Variants in IKBKB observed in about 807,000 individuals in gnomAD.
IKBKB encodes the protein inhibitor of nuclear factor kappa-B kinase subunit beta.
IKBKB carries 42 observed loss-of-function variants against 113.6 expected under a neutral mutation model. The observed-to-expected ratio is 0.37, with a 90% CI of 0.29 to 0.48. The LOEUF (loss-of-function observed/expected upper bound fraction) is 0.48. IKBKB is among the 20% of genes least tolerant of loss of function. The pLI, the probability that IKBKB is intolerant of heterozygous loss-of-function variation, is 0.99. For synonymous variants in IKBKB, 296 were observed against 361.3 expected, an observed-to-expected ratio of 0.82 and a Z score of 2.05; for missense variants, 673 against 939.7, an observed-to-expected ratio of 0.72 and a Z score of 3.71.
intron 2 of IKBKB, 158 bp downstream of exon 2, chr8:42,272,363 A>T (rs1414303979): frequency 1.1e-6 from 1 of 873,776 alleles, no homozygotes; most frequent in South Asian, 1.4e-5. Flanking sequence ...AGGACTTCTG[A>T]GCTGACTCCA....
At chr8:42,322,186 G>A in intron 18 of IKBKB, 33 bp downstream of exon 18, 1 of 1,589,322 alleles carries the variant, frequency 6.3e-7, no homozygotes, top group East Asian at 2.2e-5. Flanking sequence ...TCTGGAGGAA[G>A]GACTGGGAGA....
At chr8:42,314,179 A>T (rs1818237329) in intron 8 of IKBKB, 143 bp from the exon 9 acceptor site, 1 of 690,428 alleles carries the variant, frequency 1.4e-6, no homozygotes, top group South Asian at 1.6e-5. Flanking sequence ...GGTGTACGAT[A>T]CAGCCTAGGT....
At chr8:42,319,234 G>A (rs765448129) in intron 13 of IKBKB, 36 bp from the exon 14 acceptor site, 6 of 1,602,236 alleles carry the variant, frequency 3.7e-6, no homozygotes, top group Non-Finnish European at 5.1e-6. Flanking sequence ...TTGGATCCCA[G>A]AGATGCTCCA....
At position 42,271,394 on chromosome 8, in the gene IKBKB, C is replaced by A; in HGVS notation, c.-94C>A. On this transcript the variant is annotated 5_prime_UTR_variant, in exon 1 of 22. Coordinates refer to ENST00000520810, the MANE Select transcript of IKBKB (RefSeq NM_001556.3). ...TAATGTTTTCAGGGGGGTGTCATAG[C>A]CCCGGGTTTGGCCGCCCCAGCCCCG... 1 of 1,514,474 alleles carries A rather than the reference C, an allele frequency of 6.6e-7. No individual in the cohort carries two copies. The highest frequency in any genetic ancestry group is 8.9e-7 in the Non-Finnish European group (1 of 1,129,456). The allele number at this position is 1,514,474 out of a possible 1,614,324, so 93.8% of individuals were successfully genotyped here.
intron 2 of IKBKB, among the ~76,000 whole-genome samples, chr8:42,278,561 G>A (rs560563167): frequency 1.2e-4 from 19 of 152,242 alleles, no homozygotes; most frequent in African/African-American, 4.1e-4. Flanking sequence ...AGCCCGCTCC[G>A]GCCTGATTCC....
At chr8:42,291,180 C>G (rs1374094810) in intron 4 of IKBKB, among the ~76,000 whole-genome samples, 2 of 152,018 alleles carry the variant, frequency 1.3e-5, no homozygotes, top group African/African-American at 4.8e-5. Context: ...AAGCTCTGAA[C>G]AAAATAATTT....
intron 7 of IKBKB, 125 bp downstream of exon 7, chr8:42,306,557 T>G: frequency 1.5e-6 from 1 of 687,886 alleles, no homozygotes. Context: ...TGGAGATGCA[T>G]GAGGTCACAC....
chr8:42,300,929 A>G (rs900083780), intron 5 of IKBKB, among the ~76,000 whole-genome samples: 2 of 152,100 alleles, frequency 1.3e-5, no homozygotes, highest in East Asian at 3.8e-4. Flanking sequence ...ATCATGTTTC[A>G]CCGCAGCCTT....
At chr8:42,325,146 C>G in intron 19 of IKBKB, 3 of 848,668 alleles carry the variant, frequency 3.5e-6, no homozygotes, top group Non-Finnish European at 4.3e-6. Context: ...AGAGGGGTGA[C>G]CTGAAGATTG....
At chr8:42,329,349 GTCTC>G in intron 21 of IKBKB, 135 bp downstream of exon 21, 1 of 1,299,528 alleles carries the variant, frequency 7.7e-7, no homozygotes, top group African/African-American at 1.5e-5. Flanking sequence ...TTGTGACAGG[GTCTC>G]TCTCTCTCAC....
rs184840298 is a variant in IKBKB, at chr8:42,329,508, A to G, written c.2205+294A>G. On this transcript the variant is annotated intron_variant, in intron 21 of 21. Transcript: ENST00000520810. ...CAGCTGATTTTTTCAGTGTATATTT[A>G]TAATTTTCTAGTACACATTTTTTAT... The G allele has an allele frequency of 3.6e-4, 310 of 869,358 alleles. 2 individuals carry two copies. Among genetic ancestry groups the G allele is most frequent in the Middle Eastern group, 6.0e-4 (1 of 1,678 alleles). 53.9% of individuals were successfully genotyped at this position (869,358 alleles called of 1,614,324 possible).
chr8:42,308,753 T>A, intron 7 of IKBKB, 148 bp from the exon 8 acceptor site: 2 of 688,576 alleles, frequency 2.9e-6, no homozygotes, highest in South Asian at 3.5e-5. Flanking sequence ...CCGCTAAACA[T>A]GCCTGGGGTG....
intron 15 of IKBKB, 178 bp downstream of exon 15, chr8:42,319,824 G>A: frequency 1.7e-6 from 1 of 581,026 alleles, no homozygotes; most frequent in South Asian, 2.5e-5. Context: ...AGTGAAGGGA[G>A]CCCCTCTGTG....
chr8:42,318,279 T>C (rs1323414030), intron 12 of IKBKB, among the ~76,000 whole-genome samples: 1 of 149,194 alleles, frequency 6.7e-6, no homozygotes, highest in African/African-American at 2.5e-5. Context: ...AAAAAAAAAA[T>C]TCTGTTGAAA....
intron 8 of IKBKB, among the ~76,000 whole-genome samples, chr8:42,311,734 A>G (rs1243112532): frequency 6.6e-6 from 1 of 152,196 alleles, no homozygotes; most frequent in Non-Finnish European, 1.5e-5. Context: ...ATGCCCCACT[A>G]TGGTGACTTA....
intron 2 of IKBKB, among the ~76,000 whole-genome samples, chr8:42,287,138 G>C (rs545238595): frequency 6.6e-6 from 1 of 152,322 alleles, no homozygotes; most frequent in East Asian, 1.9e-4. Flanking sequence ...CCCGAGGCCA[G>C]AGCCGCTTTC....
Position 42,288,696 on chromosome 8 carries a change from G to C in IKBKB, c.168G>C (p.Glu56Asp), listed in dbSNP as rs1186913596. 1 of 1,611,510 alleles carries C rather than the reference G, an allele frequency of 6.2e-7. No individual in the cohort carries two copies. ...CRQELSPRNR[E>D]RWCLEIQIMR... ...AGGAGCTCAGCCCCCGGAACCGAGAGCGGTGGTGCCTGGAGATCCAGATCA... is the reference window on the plus strand; with the variant it reads ...AGGAGCTCAGCCCCCGGAACCGAGACCGGTGGTGCCTGGAGATCCAGATCA... The change falls in exon 3 of 22, where the codon GAG becomes GAC. Residue 56 changes from glutamate to aspartate, a missense_variant. Glu to Asp is a conservative substitution (Grantham distance 45, BLOSUM62 2). Coordinates refer to ENST00000520810, the MANE Select transcript of IKBKB (RefSeq NM_001556.3).
intron 2 of IKBKB, among the ~76,000 whole-genome samples, chr8:42,273,887 C>T (rs533859120): frequency 3.9e-5 from 6 of 152,004 alleles, no homozygotes; most frequent in Non-Finnish European, 8.8e-5. Flanking sequence ...AATAATTGTA[C>T]ATATTTATGG....
chr8:42,320,827 G>A lies in IKBKB; in HGVS notation c.1671G>A (p.Gly557=). 7 of 1,597,704 alleles carry A rather than the reference G, an allele frequency of 4.4e-6. No individual in the cohort carries two copies. Among genetic ancestry groups the A allele is most frequent in the Non-Finnish European group, 6.0e-6 (7 of 1,171,698 alleles). The change falls in exon 16 of 22, where the codon GGG becomes GGA. Residue 557 remains glycine (G), a synonymous_variant. Transcript: ENST00000520810. ...GGAGCCCCATGGGCCGGAAGCAGGG[G>A]GGAACGCTGGACGACCTGTGAGTAC... The part of the protein sequence containing the change: ...LQRSPMGRKQ[G]GTLDDLEEQA...
Sources: gnomAD v4.1 joint callset for allele counts (sites outside exome capture counted in the v4.1 genomes callset) on GRCh38, gnomAD v4.1.1 for gene constraint, MANE v1.5 for transcripts, NCBI Gene and HGNC (gene_info 2026-07-23, HGNC 2026-07-21) for gene names.